TRAPPC10: variants seen among roughly 807,000 people sequenced by gnomAD.
TRAPPC10 encodes the protein TRAPP 130 kDa subunit.
In TRAPPC10, 23 loss-of-function variants were observed where a neutral mutation model predicts 125.5. The observed-to-expected ratio is 0.18, with a 90% CI of 0.13 to 0.26. The LOEUF is 0.26. Ranked by LOEUF, TRAPPC10 falls within the 10% of genes least tolerant of loss-of-function variation. The pLI, the probability that TRAPPC10 is intolerant of heterozygous loss-of-function variation, is 1.00. For missense variants in TRAPPC10, 1,123 were observed against 1,308.4 expected, an observed-to-expected ratio of 0.86 and a Z score of 2.19; for synonymous variants, 509 against 518.0, an observed-to-expected ratio of 0.98 and a Z score of 0.24.
chr21:44,064,332 T>C (rs1419869545), intron 7 of TRAPPC10, among the ~76,000 whole-genome samples: 1 of 151,150 alleles, frequency 6.6e-6, no homozygotes, highest in Non-Finnish European at 1.5e-5. Flanking sequence ...TGTGTGTGTG[T>C]GTGTGTGAGT....
intron 7 of TRAPPC10, among the ~76,000 whole-genome samples, chr21:44,070,771 G>A (rs2036807564): frequency 6.6e-6 from 1 of 152,194 alleles, no homozygotes; most frequent in Non-Finnish European, 1.5e-5. Context: ...GGTGGCTCTG[G>A]CACTCTCTGT....
intron 1 of TRAPPC10, among the ~76,000 whole-genome samples, chr21:44,015,135 A>G (rs2031672452): frequency 6.6e-6 from 1 of 152,234 alleles, no homozygotes; most frequent in East Asian, 1.9e-4. Flanking sequence ...AAAATCTTTT[A>G]AATTCTTACT....
At chr21:44,080,262 T>A in intron 13 of TRAPPC10, 135 bp downstream of exon 13, 1 of 737,890 alleles carries the variant, frequency 1.4e-6, no homozygotes, top group Non-Finnish European at 2.2e-6. Flanking sequence ...TATCTATGTC[T>A]TTCACCTGAC....
intron 3 of TRAPPC10, among the ~76,000 whole-genome samples, chr21:44,039,599 G>C (rs552935399): frequency 1.3e-5 from 2 of 152,210 alleles, no homozygotes; most frequent in African/African-American, 4.8e-5. Context: ...GGTCATGGTG[G>C]CTCACGCTTG....
At chr21:44,084,045 G>C in intron 14 of TRAPPC10, 77 bp from the exon 15 acceptor site, 3 of 1,564,452 alleles carry the variant, frequency 1.9e-6, no homozygotes, top group Non-Finnish European at 2.6e-6. Context: ...CAGAGAGACC[G>C]CTGCACCGCG....
Position 44,083,119 on chromosome 21 carries a change from T to C in TRAPPC10, c.2055T>C (p.Ser685=), listed in dbSNP as rs893480435. 1.9e-6 allele frequency: 3 copies of C among 1,614,080 alleles called. No homozygotes were observed. Among genetic ancestry groups the C allele is most frequent in the Non-Finnish European group, 2.5e-6 (3 of 1,180,042 alleles). Reference sequence around the variant, plus strand: ...ATGAAATGTTTGAGAGAAGCCCATCTGATAACTCCTTGAACACGACTGGGA... The same window carrying C: ...ATGAAATGTTTGAGAGAAGCCCATCCGATAACTCCTTGAACACGACTGGGA... ...ELYEMFERSP[S]DNSLNTTGII... is the part of the protein sequence containing the mutation. Residue 685 remains serine (S), a synonymous_variant, in exon 14 of 23, where the codon TCT becomes TCC. Transcript: ENST00000291574.
In TRAPPC10 at chr21:44,087,123, G is replaced by A. The variant is rs183140749; in HGVS notation, c.2539+163G>A. On this transcript the variant is annotated intron_variant, in intron 16 of 22. Transcript: ENST00000291574. This position sits in a 1 kb window ranked among gnomAD's most constrained non-coding sequence, Gnocchi z 4.6. ...CCTGCGGCCTGATGCCTGTGCTGGG[G>A]TCCCATCTGAGGTGATAAACTGAGA... 1.4e-3 allele frequency among the ~76,000 whole-genome samples: 213 copies of A among 152,352 alleles called. No homozygotes were observed. Among genetic ancestry groups the A allele is most frequent in the African/African-American group, 4.9e-3 (204 of 41,586 alleles).
At chr21:44,032,683 A>G (rs560875186) in intron 2 of TRAPPC10, among the ~76,000 whole-genome samples, 6 of 152,320 alleles carry the variant, frequency 3.9e-5, no homozygotes, top group Admixed American at 2.6e-4. Context: ...TGCCCAGACT[A>G]CGATGGTTTT....
intron 3 of TRAPPC10, among the ~76,000 whole-genome samples, chr21:44,045,171 G>A (rs1267692142): frequency 6.6e-6 from 1 of 152,092 alleles, no homozygotes; most frequent in Admixed American, 6.5e-5. Context: ...CTGACCTTGT[G>A]ATCCGCCCGC....
In TRAPPC10 at chr21:44,023,430, T is replaced by TA. The variant is rs544838017; in HGVS notation, c.68-8659dup. Among the ~76,000 whole-genome samples, 687 of 152,290 alleles carry TA rather than the reference T, an allele frequency of 4.5e-3. 6 individuals carry two copies. The highest frequency in any genetic ancestry group is 0.015 in the African/African-American group (642 of 41,560). ...TGTTCGTTTAGTATGGCTGTGAACT[T>TA]AATCATTATGAACATACTTGATGTG... is the stretch of plus-strand genomic sequence containing the variant. On this transcript the variant is annotated intron_variant, in intron 1 of 22. Transcript: ENST00000291574.
Position 44,063,404 on chromosome 21 carries a change from CAG to C in TRAPPC10, c.791-133_791-132del, listed in dbSNP as rs905684774. ...GGGAGCCGAATGCATCACTAGACCACAGGGGGTGGGCCAGTGTTCATAGAAAA... is the reference window on the plus strand; with the variant it reads ...GGGAGCCGAATGCATCACTAGACCACGGGGTGGGCCAGTGTTCATAGAAAA... On this transcript the variant is annotated intron_variant, in intron 6 of 22. Coordinates refer to ENST00000291574, the MANE Select transcript of TRAPPC10 (RefSeq NM_003274.5). The surrounding 1 kb of genome is among the most constrained non-coding windows in gnomAD (Gnocchi z 4.4). The C allele has an allele frequency of 8.9e-5, 121 of 1,358,414 alleles. No homozygotes were observed. The highest frequency in any genetic ancestry group is 2.8e-4 in the East Asian group (12 of 43,376). The allele number at this position is 1,358,414 out of a possible 1,614,324, so 84.1% of individuals were successfully genotyped here.
In TRAPPC10 at chr21:44,063,239, G is replaced by C. The variant is rs1045533486; in HGVS notation, c.791-299G>C. 4.0e-5 allele frequency: 50 copies of C among 1,261,842 alleles called. No individual in the cohort carries two copies. In the South Asian group the frequency reaches 6.6e-4, roughly 17 times the overall value. 78.2% of individuals were successfully genotyped at this position (1,261,842 alleles called of 1,614,324 possible). A position where few individuals can be genotyped will look rare whatever the true frequency, so the allele number is the denominator to read the frequency against. ...CCTCCCTCGGCCTGAGACAGAGCCT[G>C]AGCTCCCCTAACCATGTAGCCTGTC... On this transcript the variant is annotated intron_variant, in intron 6 of 22. Coordinates refer to ENST00000291574, the MANE Select transcript of TRAPPC10 (RefSeq NM_003274.5). The surrounding 1 kb of genome is among the most constrained non-coding windows in gnomAD (Gnocchi z 4.4).
chr21:44,090,450 G>A (rs1403399771), intron 18 of TRAPPC10, among the ~76,000 whole-genome samples: 1 of 152,180 alleles, frequency 6.6e-6, no homozygotes, highest in Non-Finnish European at 1.5e-5. Flanking sequence ...AGCACCCCAG[G>A]CTCTCCCATG....
rs2035829391 is a variant in TRAPPC10, at chr21:44,058,994, T to C, written c.679-109T>C. 1.1e-5 allele frequency: 8 copies of C among 725,834 alleles called. No individual in the cohort carries two copies. The South Asian group carries it at 1.6e-4, about 15-fold the overall frequency. The allele number at this position is 725,834 out of a possible 1,614,324, so 45.0% of individuals were successfully genotyped here. On this transcript the variant is annotated intron_variant, in intron 5 of 22. Coordinates refer to ENST00000291574, the MANE Select transcript of TRAPPC10 (RefSeq NM_003274.5). ...TTGTTACTTAGCGGAGCGTAGACAT[T>C]ATTCATAGTGCTGCGTGCCTTTCTC...
intron 1 of TRAPPC10, among the ~76,000 whole-genome samples, chr21:44,025,951 G>A (rs1377052728): frequency 1.3e-5 from 2 of 151,576 alleles, no homozygotes; most frequent in South Asian, 2.1e-4. Flanking sequence ...ACGTTAAGCC[G>A]GCGATGACAT....
chr21:44,078,758 C>A (rs773830921), intron 11 of TRAPPC10, among the ~76,000 whole-genome samples: 1 of 152,178 alleles, frequency 6.6e-6, no homozygotes, highest in Non-Finnish European at 1.5e-5. Context: ...CTTGTTGCTC[C>A]TGAGGCTTTG....
At chr21:44,030,630 C>A (rs922232161) in intron 1 of TRAPPC10, among the ~76,000 whole-genome samples, 9 of 152,048 alleles carry the variant, frequency 5.9e-5, no homozygotes, top group Non-Finnish European at 1.0e-4. Flanking sequence ...CCACGCCCGG[C>A]TAATTTTGTA....
At position 44,052,260 on chromosome 21, in the gene TRAPPC10, A is replaced by G; in HGVS notation, c.286-20A>G. On this transcript the variant is annotated intron_variant, in intron 3 of 22. Coordinates refer to ENST00000291574, the MANE Select transcript of TRAPPC10 (RefSeq NM_003274.5). ...AGGGCATTAGTTAACCTGCTTTCAC[A>G]GTGACTTGTTTGTTTTTAGGATACC... 1 of 1,555,678 alleles carries G rather than the reference A, an allele frequency of 6.4e-7. No individual in the cohort carries two copies. The highest frequency in any genetic ancestry group is 8.7e-7 in the Non-Finnish European group (1 of 1,155,818).
chr21:44,070,141 A>T (rs1278655081), intron 7 of TRAPPC10, among the ~76,000 whole-genome samples: 1 of 152,114 alleles, frequency 6.6e-6, no homozygotes. Flanking sequence ...GAGGCATAGC[A>T]GGCGTTCACC....
Sources: gnomAD v4.1 joint callset for allele counts (sites outside exome capture counted in the v4.1 genomes callset) on GRCh38, gnomAD v4.1.1 for gene constraint, Gnocchi (gnomAD v3.1) non-coding constraint, MANE v1.5 for transcripts, NCBI Gene and HGNC (gene_info 2026-07-23, HGNC 2026-07-21) for gene names.